The following ALK variants were observed in gnomAD, a reference collection of about 807,000 sequenced individuals.
The protein encoded by ALK is ALK receptor tyrosine kinase.
A neutral mutation model predicts 163.1 loss-of-function variants in ALK; 74 were observed. The ratio of observed to expected loss-of-function variants is 0.45; its 90% CI spans 0.38 to 0.55. The LOEUF (loss-of-function observed/expected upper bound fraction) is 0.55, where lower values mean the gene tolerates loss of function less well. Ranked by LOEUF, ALK falls within the 20% of genes least tolerant of loss-of-function variation. The pLI is 0.00. For synonymous variants in ALK, 960 were observed against 843.2 expected (o/e 1.14, Z -2.40); for missense variants, 2,063 against 2,105.3 (o/e 0.98, Z 0.39).
intron 1 of ALK, among the ~76,000 whole-genome samples, chr2:29,748,320 A>C (rs2148329257): frequency 6.6e-6 from 1 of 152,260 alleles, no homozygotes; most frequent in Admixed American, 6.5e-5. Context: ...CTTTCTACTC[A>C]AGGGTGTGTT....
chr2:29,626,755 T>C (rs1676205768), intron 3 of ALK, among the ~76,000 whole-genome samples: 1 of 152,194 alleles, frequency 6.6e-6, no homozygotes, highest in Non-Finnish European at 1.5e-5. Flanking sequence ...TCCCAGCTTC[T>C]AGAACTGTGA....
At chr2:29,347,167 G>A (rs1460683303) in intron 5 of ALK, among the ~76,000 whole-genome samples, 5 of 152,126 alleles carry the variant, frequency 3.3e-5, no homozygotes, top group African/African-American at 1.2e-4. Context: ...AGGTCACATG[G>A]GTGGTAAGAG....
At chr2:29,595,313 T>C (rs1675178874) in intron 3 of ALK, among the ~76,000 whole-genome samples, 1 of 150,420 alleles carries the variant, frequency 6.6e-6, no homozygotes, top group Non-Finnish European at 1.5e-5. Flanking sequence ...TCTGCTGTCT[T>C]ACTGGATTTT....
chr2:29,870,038 G>C (rs1392427015), intron 1 of ALK, among the ~76,000 whole-genome samples: 1 of 152,190 alleles, frequency 6.6e-6, no homozygotes, highest in Non-Finnish European at 1.5e-5. Context: ...TGTATTGTGA[G>C]CTGAGTAGTC....
chr2:29,333,498 G>C (rs540142196), intron 5 of ALK, among the ~76,000 whole-genome samples: 4 of 152,164 alleles, frequency 2.6e-5, no homozygotes, highest in Non-Finnish European at 4.4e-5. Flanking sequence ...GGTTCTTCCT[G>C]TTTTCATACT....
intron 4 of ALK, among the ~76,000 whole-genome samples, chr2:29,386,242 A>G (rs1669028622): frequency 6.6e-6 from 1 of 152,170 alleles, no homozygotes; most frequent in Non-Finnish European, 1.5e-5. Context: ...CCATTTAATA[A>G]AAGTGTATTG....
In ALK at chr2:29,227,877, A is replaced by G. The variant is rs2148179617; in HGVS notation, c.2816-205T>C. 6.6e-6 allele frequency among the ~76,000 whole-genome samples: 1 copy of G among 152,214 alleles called. No homozygotes were observed. The highest frequency in any genetic ancestry group is 2.1e-4 in the South Asian group (1 of 4,826). On this transcript the variant is annotated intron_variant, in intron 16 of 28. Coordinates refer to ENST00000389048, the MANE Select transcript of ALK (RefSeq NM_004304.5). The surrounding 1 kb of genome is among the most constrained non-coding windows in gnomAD (Gnocchi z 4.4). ...CTCAGTAGATGCTGGGTGTGTGGCT[A>G]ATTTCCCCTCAGGTCCAGGCCAGCT...
At chr2:29,583,354 C>A (rs1674782069) in intron 3 of ALK, among the ~76,000 whole-genome samples, 1 of 152,100 alleles carries the variant, frequency 6.6e-6, no homozygotes, top group South Asian at 2.1e-4. Flanking sequence ...CTCTGTTAGT[C>A]ATACAGATAC....
At chr2:29,487,890 G>A (rs763915531) in intron 4 of ALK, among the ~76,000 whole-genome samples, 1 of 152,126 alleles carries the variant, frequency 6.6e-6, no homozygotes, top group South Asian at 2.1e-4. Flanking sequence ...TCCCGTGCTT[G>A]TTCCTGGAGC....
In ALK at chr2:29,251,125, C is replaced by CCACCAG. The variant is rs756215740; in HGVS notation, c.2183_2184insCTGGTG (p.Val728_Pro729insTrpTrp). On this transcript the variant is annotated inframe_insertion, in exon 12 of 29. Transcript: ENST00000389048. ...CGCACCTGTAGGTGTCGGTGGCTGG[C>CCACCAG]ACCTTCCAGATCTGGATGCCTTTCA... The CCACCAG allele has an allele frequency of 1.2e-6, 2 of 1,614,110 alleles. No individual in the cohort carries two copies. Among genetic ancestry groups the CCACCAG allele is most frequent in the Admixed American group, 3.3e-5 (2 of 60,028 alleles).
chr2:29,622,148 C>T (rs982846537), intron 3 of ALK, among the ~76,000 whole-genome samples: 42 of 152,146 alleles, frequency 2.8e-4, no homozygotes, highest in African/African-American at 9.4e-4. Context: ...TAAATCTGAT[C>T]GTATATCATC....
chr2:29,332,034 C>T (rs187137694), intron 5 of ALK, among the ~76,000 whole-genome samples: 1 of 151,988 alleles, frequency 6.6e-6, no homozygotes, highest in Admixed American at 6.5e-5. Context: ...CACCTGTAAT[C>T]CCAGGACTTT....
At chr2:29,247,864 G>T (rs1380231814) in intron 12 of ALK, among the ~76,000 whole-genome samples, 1 of 152,130 alleles carries the variant, frequency 6.6e-6, no homozygotes, top group Non-Finnish European at 1.5e-5. Flanking sequence ...CTGTTTCCAA[G>T]CACCTTTTTC....
chr2:29,320,563 C>T (rs1666999997), intron 7 of ALK, among the ~76,000 whole-genome samples, 188 bp downstream of exon 7: 1 of 152,226 alleles, frequency 6.6e-6, no homozygotes, highest in Non-Finnish European at 1.5e-5. Context: ...TGACATCTAT[C>T]TTGGCCAGAT....
At chr2:29,608,026 C>A (rs1285164647) in intron 3 of ALK, among the ~76,000 whole-genome samples, 1 of 90,050 alleles carries the variant, frequency 1.1e-5, no homozygotes, top group East Asian at 2.9e-4. Context: ...CACAGGTAAA[C>A]CACATTTCTA....
chr2:29,398,177 C>G (rs1374253541), intron 4 of ALK, among the ~76,000 whole-genome samples: 1 of 152,182 alleles, frequency 6.6e-6, no homozygotes. Flanking sequence ...TCCCTGGGCA[C>G]AGGCCAGCGT....
At chr2:29,786,506 C>T (rs986319872) in intron 1 of ALK, among the ~76,000 whole-genome samples, 1 of 152,166 alleles carries the variant, frequency 6.6e-6, no homozygotes, top group African/African-American at 2.4e-5. Context: ...GTGTTAAGAG[C>T]GACGGTGCTG....
chr2:29,529,660 C>G (rs948308994), intron 4 of ALK, among the ~76,000 whole-genome samples: 1 of 152,248 alleles, frequency 6.6e-6, no homozygotes, highest in Admixed American at 6.5e-5. Context: ...AGTAGCTCTG[C>G]GCTGCAGTGG....
At chr2:29,495,741 A>G (rs1226073583) in intron 4 of ALK, among the ~76,000 whole-genome samples, 1 of 152,200 alleles carries the variant, frequency 6.6e-6, no homozygotes, top group Non-Finnish European at 1.5e-5. Flanking sequence ...GCTGACTAAG[A>G]CTATCATGAA....
Sources: allele counts gnomAD v4.1 joint callset (sites outside exome capture counted in the v4.1 genomes callset), GRCh38; gene constraint gnomAD v4.1.1; non-coding constraint Gnocchi (gnomAD v3.1); transcripts MANE v1.5; gene names NCBI Gene and HGNC (gene_info 2026-07-23, HGNC 2026-07-21).